Variants in TEX9 observed in about 807,000 individuals in gnomAD.
The protein encoded by TEX9 is testis expressed 9, also known as testis-expressed protein 9.
A neutral mutation model predicts 59.6 loss-of-function variants in TEX9; 74 were observed. That is an observed-to-expected ratio of 1.24 (90% CI 1.03 to 1.51). TEX9 has a LOEUF of 1.51. Among genes scored for constraint, TEX9 ranks in the 40% most tolerant of loss-of-function variants. The probability of loss-of-function intolerance (pLI) is 0.00; values close to 1 mark genes in which losing one functional copy is unlikely to be tolerated. For missense variants in TEX9, 522 were observed against 447.8 expected, an observed-to-expected ratio of 1.17 and a Z score of -1.49; for synonymous variants, 186 against 152.2, an observed-to-expected ratio of 1.22 and a Z score of -1.64.
chr15:56,399,139 C>G (rs1487622056), intron 9 of TEX9, among the ~76,000 whole-genome samples: 1 of 152,214 alleles, frequency 6.6e-6, no homozygotes, highest in Non-Finnish European at 1.5e-5. Context: ...GGAGGGTGAA[C>G]TGAAGCAGAG....
downstream of TEX9, among the ~76,000 whole-genome samples, chr15:56,446,363 T>C (rs922023855): frequency 3.9e-5 from 6 of 151,994 alleles, no homozygotes; most frequent in African/African-American, 1.4e-4. Context: ...GAGTAACTCT[T>C]ATCTTCAACT....
chr15:56,248,540 A>G (rs917107211), intron 1 of TEX9, among the ~76,000 whole-genome samples: 1 of 152,246 alleles, frequency 6.6e-6, no homozygotes, highest in Admixed American at 6.5e-5. Flanking sequence ...AGTGAGTAGT[A>G]TGATGAAACA....
In TEX9 at chr15:56,325,481, A is replaced by G. The variant is rs12591423; in HGVS notation, c.-106-47960A>G. On this transcript the variant is annotated intron_variant, in intron 1 of 5. Transcript: ENST00000560827. Reference sequence around the variant, plus strand: ...TTCTTTTATTCATCCCTGTTGCTCCATACTTAACCTCTTACCCATTTCTAT... The same window carrying G: ...TTCTTTTATTCATCCCTGTTGCTCCGTACTTAACCTCTTACCCATTTCTAT... Among the ~76,000 whole-genome samples the G allele has an allele frequency of 2.9e-3, 448 of 152,300 alleles. 11 individuals are homozygous for G. The East Asian group carries it at 0.039, about 13-fold the overall frequency.
intron 1 of TEX9, among the ~76,000 whole-genome samples, chr15:56,247,905 G>A (rs1439904980): frequency 5.3e-5 from 8 of 152,246 alleles, no homozygotes; most frequent in South Asian, 2.1e-4. Context: ...TCCATTGCAA[G>A]CTTTCTCCTC....
At chr15:56,267,543 T>A (rs1024375627) in intron 1 of TEX9, among the ~76,000 whole-genome samples, 1 of 152,230 alleles carries the variant, frequency 6.6e-6, no homozygotes, top group Non-Finnish European at 1.5e-5. Flanking sequence ...GCTTTCTGCA[T>A]ATGGCTAGCC....
rs552782386 is a variant in TEX9, at chr15:56,319,765, G to A, written c.-106-53676G>A. ...GAGGAGGCAGAAGCCCAGTTTGTAT[G>A]AGCCAGTGTTATGGCCAAGAAAATA... On this transcript the variant is annotated intron_variant, in intron 1 of 5. Transcript: ENST00000560827. 1.6e-4 allele frequency among the ~76,000 whole-genome samples: 25 copies of A among 152,290 alleles called. 1 individual carries two copies. The Middle Eastern group carries it at 0.017, about 104-fold the overall frequency.
At chr15:56,253,295 A>AG (rs1261906728) in intron 1 of TEX9, among the ~76,000 whole-genome samples, 3 of 152,134 alleles carry the variant, frequency 2.0e-5, no homozygotes, top group South Asian at 2.1e-4. Context: ...CAAGCAAAAA[A>AG]ACCCCAAAAA....
chr15:56,323,236 C>A, intron 1 of TEX9: 1 of 216,862 alleles, frequency 4.6e-6, no homozygotes, highest in South Asian at 8.1e-5. Context: ...TCAAAGTTCT[C>A]TAAGAAGTGC....
downstream of TEX9, among the ~76,000 whole-genome samples, chr15:56,446,186 T>A (rs780076856): frequency 2.0e-5 from 3 of 152,042 alleles, no homozygotes; most frequent in Non-Finnish European, 4.4e-5. Flanking sequence ...ACACAATAGA[T>A]ATGTATGTGT....
intron 3 of TEX9, among the ~76,000 whole-genome samples, chr15:56,375,061 C>G (rs1286426902): frequency 1.3e-5 from 2 of 152,116 alleles, no homozygotes; most frequent in African/African-American, 2.4e-5. Context: ...AATGGTATTT[C>G]TAGTTCTAGA....
In TEX9 at chr15:56,412,369, T is replaced by G. The variant is rs138888960; in HGVS notation, c.896T>G (p.Leu299Trp). Residue 299 changes from leucine (L) to tryptophan (W), a missense_variant, in exon 10 of 13, where the codon TTG becomes TGG. Transcript: ENST00000352903. ...AGTCAAAGTGCCACAGAGGTTCGCTTGAATAGAGCTCTAGAAGAAGCAGAA... is the reference window on the plus strand; with the variant it reads ...AGTCAAAGTGCCACAGAGGTTCGCTGGAATAGAGCTCTAGAAGAAGCAGAA... 1.4e-3 allele frequency: 2,272 copies of G among 1,613,474 alleles called. 23 individuals carry two copies. The South Asian group carries it at 0.014, about 10-fold the overall frequency.
intron 1 of TEX9, among the ~76,000 whole-genome samples, chr15:56,255,969 A>C (rs1006614035): frequency 3.3e-5 from 5 of 152,124 alleles, no homozygotes; most frequent in Non-Finnish European, 7.4e-5. Context: ...GAAAATGTTA[A>C]ATTTCAAGAT....
chr15:56,424,207 C>T (rs2050134350), intron 10 of TEX9, among the ~76,000 whole-genome samples: 1 of 152,038 alleles, frequency 6.6e-6, no homozygotes, highest in South Asian at 2.1e-4. Flanking sequence ...GCTGAACTGG[C>T]CCTTTTGTTT....
At chr15:56,400,946 C>T (rs956724839) in intron 9 of TEX9, among the ~76,000 whole-genome samples, 2 of 152,100 alleles carry the variant, frequency 1.3e-5, no homozygotes, top group Non-Finnish European at 2.9e-5. Context: ...ATTTTGTTCA[C>T]CACCAGGCCT....
At chr15:56,376,520 C>T (rs903397660) in intron 3 of TEX9, among the ~76,000 whole-genome samples, 1 of 151,976 alleles carries the variant, frequency 6.6e-6, no homozygotes, top group Admixed American at 6.6e-5. Context: ...TGTTGAACAC[C>T]TTTTTTTATG....
chr15:56,301,038 G>A (rs1468883958), intron 1 of TEX9, among the ~76,000 whole-genome samples: 1 of 152,214 alleles, frequency 6.6e-6, no homozygotes, highest in African/African-American at 2.4e-5. Context: ...AAATCACAGA[G>A]TGAAAAGAAT....
chr15:56,394,117 A>G (rs764977699), intron 7 of TEX9, 48 bp from the exon 8 acceptor site: 1 of 1,529,156 alleles, frequency 6.5e-7, no homozygotes, highest in Non-Finnish European at 9.0e-7. Context: ...AATTGATGTC[A>G]TCTTAGATTC....
intron 2 of TEX9, among the ~76,000 whole-genome samples, chr15:56,373,048 C>G (rs2142030320): frequency 6.6e-6 from 1 of 152,286 alleles, no homozygotes; most frequent in Non-Finnish European, 1.5e-5. Flanking sequence ...GTGCCCACTT[C>G]TGCCCACATT....
intron 1 of TEX9, among the ~76,000 whole-genome samples, chr15:56,330,643 A>G (rs2713915): frequency 0.032 from 4,811 of 152,152 alleles, 189 homozygotes; most frequent in East Asian, 0.095. Context: ...CTAGTCTCAT[A>G]GTAACCTCAC....
Sources: allele counts gnomAD v4.1 joint callset (sites outside exome capture counted in the v4.1 genomes callset), GRCh38; gene constraint gnomAD v4.1.1; transcripts MANE v1.5; gene names NCBI Gene and HGNC (gene_info 2026-07-23, HGNC 2026-07-21).